Variants in MARK3 observed in about 807,000 individuals in gnomAD.
The protein encoded by MARK3 is microtubule affinity regulating kinase 3.
MARK3 carries 46 observed loss-of-function variants against 90.1 expected under a neutral mutation model. That is an observed-to-expected ratio of 0.51 (90% confidence interval 0.40 to 0.65). The LOEUF (loss-of-function observed/expected upper bound fraction) is 0.65. MARK3 is among the 30% of genes least tolerant of loss of function. The pLI is 0.00. For synonymous variants in MARK3, 321 were observed against 332.6 expected, an observed-to-expected ratio of 0.97 and a Z score of 0.38; for missense variants, 818 against 947.2, an observed-to-expected ratio of 0.86 and a Z score of 1.79.
rs2093641167 is a variant in MARK3 at position 103,472,359 on chromosome 14, A to G, written c.1265-2634A>G. Among the ~76,000 whole-genome samples, 2 of 152,004 alleles carry G rather than the reference A, an allele frequency of 1.3e-5. 1 individual carries two copies. Among genetic ancestry groups the G allele is most frequent in the South Asian group, 4.1e-4 (2 of 4,824 alleles). On this transcript the variant is annotated intron_variant, in intron 12 of 17. Coordinates refer to ENST00000429436, the MANE Select transcript of MARK3 (RefSeq NM_001128918.3). ...ATAAAAGACTTACAAATTTGATTAC[A>G]TAAAAATGAAATTTCTGGCCGGTCG...
intron 4 of MARK3, among the ~76,000 whole-genome samples, chr14:103,449,750 G>A (rs895690000): frequency 5.9e-5 from 9 of 152,144 alleles, no homozygotes; most frequent in Admixed American, 6.6e-5. Flanking sequence ...GATCCCATAT[G>A]CATTGTAATA....
chr14:103,468,012 G>C, intron 11 of MARK3, 21 bp from the exon 12 acceptor site: 2 of 1,610,764 alleles, frequency 1.2e-6, no homozygotes, highest in Non-Finnish European at 1.7e-6. Flanking sequence ...GGTTTGCTCT[G>C]TTTTTCTCAT....
chr14:103,420,174 C>T (rs1366650630), intron 2 of MARK3, among the ~76,000 whole-genome samples: 1 of 152,096 alleles, frequency 6.6e-6, no homozygotes, highest in East Asian at 1.9e-4. Flanking sequence ...AGGAAAAAAG[C>T]TCCATATAAG....
chr14:103,410,340 T>G (rs1295354310), intron 2 of MARK3, among the ~76,000 whole-genome samples: 1 of 152,146 alleles, frequency 6.6e-6, no homozygotes, highest in Non-Finnish European at 1.5e-5. Context: ...GCAATCTGAT[T>G]GCCTCTCCAG....
intron 3 of MARK3, among the ~76,000 whole-genome samples, chr14:103,442,369 C>CA (rs11397354): frequency 0.96 from 139,400 of 145,360 alleles, 66,946 homozygotes; most frequent in East Asian, 1. Context: ...GACTCCGTCT[C>CA]AAAAAAAAAA....
chr14:103,459,808 T>C (rs1431830613), intron 6 of MARK3, among the ~76,000 whole-genome samples: 1 of 151,586 alleles, frequency 6.6e-6, no homozygotes, highest in Non-Finnish European at 1.5e-5. Flanking sequence ...GCCATCGTAA[T>C]GTGGCCTCAA....
At chr14:103,414,596 T>C (rs186317960) in intron 2 of MARK3, among the ~76,000 whole-genome samples, 1 of 152,366 alleles carries the variant, frequency 6.6e-6, no homozygotes, top group African/African-American at 2.4e-5. Flanking sequence ...ATTGAAGAAC[T>C]AAAACCTCTG....
At chr14:103,478,111 A>G (rs553225664) in intron 13 of MARK3, among the ~76,000 whole-genome samples, 2 of 152,066 alleles carry the variant, frequency 1.3e-5, no homozygotes, top group East Asian at 3.9e-4. Flanking sequence ...CCTGGCCATC[A>G]TGGTGAAACC....
chr14:103,473,139 A>C (rs2093659364), intron 12 of MARK3, among the ~76,000 whole-genome samples: 1 of 152,220 alleles, frequency 6.6e-6, no homozygotes, highest in African/African-American at 2.4e-5. Flanking sequence ...AAATGACAGA[A>C]TTCTAGAGAT....
chr14:103,386,463 T>G (rs568672884), intron 1 of MARK3: 1 of 520,276 alleles, frequency 1.9e-6, no homozygotes, highest in South Asian at 1.6e-5. Context: ...AGGCAGTTCT[T>G]GAGAGACTGT....
At chr14:103,484,816 G>A (rs998048342) in intron 14 of MARK3, among the ~76,000 whole-genome samples, 1 of 151,990 alleles carries the variant, frequency 6.6e-6, no homozygotes, top group Non-Finnish European at 1.5e-5. Context: ...AGCTACTTGG[G>A]AAGCTGAGGC....
At chr14:103,423,200 C>CTTTTTTTTTTTTTTTT (rs10529756) in intron 2 of MARK3, among the ~76,000 whole-genome samples, 1,671 of 94,588 alleles carry the variant, frequency 0.018, 366 homozygotes, top group South Asian at 0.043. Context: ...GACTTGCAGT[C>CTTTTTTTTTTTTTTTT]TTTTTTTTTT....
At chr14:103,483,320 GTTTTC>G (rs1257958394) in intron 14 of MARK3, among the ~76,000 whole-genome samples, 1 of 152,102 alleles carries the variant, frequency 6.6e-6, no homozygotes, top group East Asian at 1.9e-4. Context: ...AGCCTTAAAT[GTTTTC>G]TTCTTTATAT....
chr14:103,503,452 T>C lies in MARK3; in HGVS notation c.*225T>C. On this transcript the variant is annotated 3_prime_UTR_variant, in exon 18 of 18. Coordinates refer to ENST00000429436, the MANE Select transcript of MARK3 (RefSeq NM_001128918.3). ...GCCCCCTGCCCTACTTCCGTTACCCTGAGAGTCGGTGTGTGGCCCCATCTC... is the reference window on the plus strand; with the variant it reads ...GCCCCCTGCCCTACTTCCGTTACCCCGAGAGTCGGTGTGTGGCCCCATCTC... 1.8e-6 allele frequency: 1 copy of C among 545,898 alleles called. No individual in the cohort carries two copies. The highest frequency in any genetic ancestry group is 3.2e-6 in the Non-Finnish European group (1 of 308,538). The allele number at this position is 545,898 out of a possible 1,614,324, so 33.8% of individuals were successfully genotyped here.
At chr14:103,398,585 C>A (rs903932179) in intron 1 of MARK3, among the ~76,000 whole-genome samples, 1 of 152,078 alleles carries the variant, frequency 6.6e-6, no homozygotes, top group Non-Finnish European at 1.5e-5. Flanking sequence ...TTTGCCCAGG[C>A]GGGTCTCAAA....
chr14:103,444,112 G>T (rs2092932088), intron 3 of MARK3, among the ~76,000 whole-genome samples: 2 of 109,756 alleles, frequency 1.8e-5, no homozygotes, highest in African/African-American at 3.5e-5. Context: ...TTTTACTAGA[G>T]ACTAAAATTC....
At chr14:103,452,471 C>CTTTTTGTTTTTTTTTTTTTTTTTTTT (rs2093170320) in intron 5 of MARK3, among the ~76,000 whole-genome samples, 1 of 97,472 alleles carries the variant, frequency 1.0e-5, no homozygotes, top group Non-Finnish European at 2.2e-5. Context: ...CAGGATTTGT[C>CTTTTTGTTTTTTTTTTTTTTTTTTTT]TTTTTTTTTT....
chr14:103,401,185 A>G (rs1206447513), intron 1 of MARK3, among the ~76,000 whole-genome samples: 2 of 152,124 alleles, frequency 1.3e-5, no homozygotes, highest in Non-Finnish European at 1.5e-5. Flanking sequence ...GCAAAAGACA[A>G]TTTAATTTGC....
At position 103,468,164 on chromosome 14, in the gene MARK3, G is replaced by A. The variant is rs757880090; in HGVS notation, c.1242G>A (p.Lys414=). The change falls in exon 12 of 18, where the codon AAG becomes AAA. Residue 414 remains lysine, a synonymous_variant. Transcript: ENST00000429436. ...KVQRSVSSSQ[K]QRRYSDHAGP... is the part of the protein sequence containing the mutation. ...AGAGAAGTGTTTCTTCAAGCCAAAA[G>A]CAAAGACGCTACAGTGACCATGGTA... 1.8e-5 allele frequency: 29 copies of A among 1,613,782 alleles called. No homozygotes were observed. The South Asian group carries it at 2.4e-4, about 13-fold the overall frequency.
Sources: gnomAD v4.1 joint callset for allele counts (sites outside exome capture counted in the v4.1 genomes callset) on GRCh38, gnomAD v4.1.1 for gene constraint, MANE v1.5 for transcripts, NCBI Gene and HGNC (gene_info 2026-07-23, HGNC 2026-07-21) for gene names.